The following SUFU variants were observed in gnomAD, a reference collection of about 807,000 sequenced individuals.
SUFU encodes SUFU negative regulator of hedgehog signaling.
SUFU carries 7 observed loss-of-function variants against 58.9 expected under a neutral mutation model. The observed-to-expected ratio is 0.12, with a 90% CI of 0.07 to 0.22. SUFU has a LOEUF of 0.22. Ranked by LOEUF, SUFU falls within the 10% of genes least tolerant of loss-of-function variation. The pLI is 1.00. For synonymous variants in SUFU, 232 were observed against 254.8 expected, an observed-to-expected ratio of 0.91 and a Z score of 0.85; for missense variants, 451 against 641.3, an observed-to-expected ratio of 0.70 and a Z score of 3.20.
At chr10:102,532,506 C>T (rs1159755771) in intron 2 of SUFU, among the ~76,000 whole-genome samples, 1 of 152,210 alleles carries the variant, frequency 6.6e-6, no homozygotes, top group Non-Finnish European at 1.5e-5. Context: ...AGGCGGGCTG[C>T]ATCCTCATCT....
At chr10:102,527,388 A>G (rs1415238808) in intron 2 of SUFU, among the ~76,000 whole-genome samples, 1 of 152,098 alleles carries the variant, frequency 6.6e-6, no homozygotes, top group Admixed American at 6.6e-5. Context: ...GAAGCATTCC[A>G]GTGTGGGACC....
chr10:102,578,663 A>G (rs1486677447), intron 3 of SUFU, among the ~76,000 whole-genome samples: 1 of 149,060 alleles, frequency 6.7e-6, no homozygotes, highest in Non-Finnish European at 1.5e-5. Flanking sequence ...AGCTGAGATC[A>G]TGTCACCGCA....
At chr10:102,563,587 G>T (rs149293951) in intron 3 of SUFU, among the ~76,000 whole-genome samples, 16 of 152,168 alleles carry the variant, frequency 1.1e-4, no homozygotes, top group Non-Finnish European at 1.2e-4. Context: ...GGGGAGGATA[G>T]ATTGAGTCCG....
chr10:102,505,378 A>G (rs2062312049), intron 1 of SUFU, among the ~76,000 whole-genome samples: 1 of 152,174 alleles, frequency 6.6e-6, no homozygotes, highest in Admixed American at 6.6e-5. Context: ...AAACTGAGAT[A>G]TTGGTTGAAA....
chr10:102,601,302 A>G (rs562390835), intron 8 of SUFU, among the ~76,000 whole-genome samples: 1 of 152,282 alleles, frequency 6.6e-6, no homozygotes, highest in South Asian at 2.1e-4. Context: ...CTGTGCTCCT[A>G]GATATACACA....
At position 102,619,180 on chromosome 10, in the gene SUFU, G is replaced by T. The variant is rs2063718616; in HGVS notation, c.1296+1752G>T. On this transcript the variant is annotated intron_variant, in intron 10 of 11. Coordinates refer to ENST00000369902, the MANE Select transcript of SUFU (RefSeq NM_016169.4). The surrounding 1 kb of genome is among the most constrained non-coding windows in gnomAD (Gnocchi z 4.2). The stretch of plus-strand genomic sequence containing the variant: ...AGCTCAAGAACCTTGGCCCCCACAG[G>T]ACTTCGCAGATGTCACATTGCCCCT... The T allele has an allele frequency of 6.2e-7, 1 of 1,607,334 alleles. No homozygotes were observed. The highest frequency in any genetic ancestry group is 1.7e-5 in the Admixed American group (1 of 59,796).
In SUFU at chr10:102,617,628, C is replaced by T; in HGVS notation, c.1296+200C>T. 1 of 660,332 alleles carries T rather than the reference C, an allele frequency of 1.5e-6. No homozygotes were observed. Among genetic ancestry groups the T allele is most frequent in the Non-Finnish European group, 2.7e-6 (1 of 374,098 alleles). The allele number at this position is 660,332 out of a possible 1,614,324, so 40.9% of individuals were successfully genotyped here. A position where few individuals can be genotyped will look rare whatever the true frequency, so the allele number is the denominator to read the frequency against. On this transcript the variant is annotated intron_variant, in intron 10 of 11. Coordinates refer to ENST00000369902, the MANE Select transcript of SUFU (RefSeq NM_016169.4). This position sits in a 1 kb window ranked among gnomAD's most constrained non-coding sequence, Gnocchi z 4.4. The stretch of plus-strand genomic sequence containing the variant: ...CACTCCAGCAGCTTAGGAGCACTTC[C>T]TGACCTTCTCCCCCTGTCACCTGAG...
intron 3 of SUFU, among the ~76,000 whole-genome samples, chr10:102,550,496 A>T (rs2062901517): frequency 6.6e-6 from 1 of 152,184 alleles, no homozygotes; most frequent in South Asian, 2.1e-4. Flanking sequence ...GAAGGCCAAG[A>T]TACTTTTCCC....
At chr10:102,557,579 C>T (rs2062994498) in intron 3 of SUFU, among the ~76,000 whole-genome samples, 1 of 152,144 alleles carries the variant, frequency 6.6e-6, no homozygotes, top group African/African-American at 2.4e-5. Flanking sequence ...GATCACACAA[C>T]TGGACACTCC....
intron 2 of SUFU, among the ~76,000 whole-genome samples, chr10:102,521,503 A>G (rs1484430567): frequency 6.6e-6 from 1 of 152,168 alleles, no homozygotes; most frequent in Non-Finnish European, 1.5e-5. Context: ...GGGCTGGCTC[A>G]TGAGTTCTCC....
rs1413786231 is a variant in SUFU at position 102,617,913 on chromosome 10, C to T, written c.1296+485C>T. 1 of 248,750 alleles carries T rather than the reference C, an allele frequency of 4.0e-6. No homozygotes were observed. 15.4% of individuals were successfully genotyped at this position (248,750 alleles called of 1,614,324 possible). ...GGAAGAGCCTCCCCTTCTTAGCCTA[C>T]CCCCATCTGACAGCCCTCCCGTTCC... On this transcript the variant is annotated intron_variant, in intron 10 of 11. Transcript: ENST00000369902. The surrounding 1 kb of genome is among the most constrained non-coding windows in gnomAD (Gnocchi z 4.4).
chr10:102,567,400 G>A (rs755490236), intron 3 of SUFU, among the ~76,000 whole-genome samples: 5 of 152,026 alleles, frequency 3.3e-5, no homozygotes, highest in Non-Finnish European at 7.4e-5. Flanking sequence ...ACTGGCACCC[G>A]TAAGCCATAC....
intron 3 of SUFU, among the ~76,000 whole-genome samples, chr10:102,569,844 T>C (rs898108577): frequency 1.3e-5 from 2 of 152,162 alleles, no homozygotes; most frequent in Non-Finnish European, 2.9e-5. Context: ...TGGCAAAACC[T>C]TTCAAAACTG....
chr10:102,579,316 T>C (rs944785458), intron 3 of SUFU, among the ~76,000 whole-genome samples: 1 of 152,190 alleles, frequency 6.6e-6, no homozygotes. Context: ...ACAGTCTATC[T>C]CTAGCTAGCG....
At chr10:102,550,475 A>C (rs1184292450) in intron 3 of SUFU, among the ~76,000 whole-genome samples, 1 of 152,154 alleles carries the variant, frequency 6.6e-6, no homozygotes, top group Non-Finnish European at 1.5e-5. Context: ...TTTTGTAAGT[A>C]GCCTTCAAAT....
intron 3 of SUFU, among the ~76,000 whole-genome samples, chr10:102,575,827 A>T (rs1427942981): frequency 6.6e-6 from 1 of 152,104 alleles, no homozygotes; most frequent in Non-Finnish European, 1.5e-5. Flanking sequence ...AAGTATATAG[A>T]TAATACATAA....
chr10:102,589,898 G>C (rs1369444648), intron 3 of SUFU, among the ~76,000 whole-genome samples: 1 of 151,998 alleles, frequency 6.6e-6, no homozygotes, highest in Non-Finnish European at 1.5e-5. Flanking sequence ...TATGATGTTA[G>C]CTGTGGGGTT....
chr10:102,538,644 T>C (rs185521109), intron 2 of SUFU, among the ~76,000 whole-genome samples: 2 of 148,244 alleles, frequency 1.3e-5, no homozygotes, highest in African/African-American at 5.2e-5. Flanking sequence ...CACACACACA[T>C]GTATGCAGCC....
chr10:102,574,315 G>A lies in SUFU; in HGVS notation c.455-18267G>A, dbSNP rs150284206. On this transcript the variant is annotated intron_variant, in intron 3 of 11. Coordinates refer to ENST00000369902, the MANE Select transcript of SUFU (RefSeq NM_016169.4). ...TGTATATCCCTAATATATACACAAA[G>A]ACAGAAAAAACTGTTTTCAGTAATC... 1.0e-3 allele frequency among the ~76,000 whole-genome samples: 154 copies of A among 152,204 alleles called. 1 individual carries two copies. The highest frequency in any genetic ancestry group is 1.7e-3 in the Non-Finnish European group (117 of 67,976).
Sources: allele counts gnomAD v4.1 joint callset (sites outside exome capture counted in the v4.1 genomes callset), GRCh38; gene constraint gnomAD v4.1.1; non-coding constraint Gnocchi (gnomAD v3.1); transcripts MANE v1.5; gene names NCBI Gene and HGNC (gene_info 2026-07-23, HGNC 2026-07-21).